Variants in PIK3C3 observed in about 807,000 individuals in gnomAD.
PIK3C3 encodes phosphatidylinositol 3-kinase catalytic subunit type 3.
A neutral mutation model predicts 126.1 loss-of-function variants in PIK3C3; 95 were observed. That is an observed-to-expected ratio of 0.75 (90% CI 0.64 to 0.89). The LOEUF (loss-of-function observed/expected upper bound fraction) is 0.89, where lower values mean the gene tolerates loss of function less well. Among genes scored for constraint, PIK3C3 ranks in the 40% least tolerant of loss-of-function variants. The pLI, the probability that PIK3C3 is intolerant of heterozygous loss-of-function variation, is 0.00. For synonymous variants in PIK3C3, 374 were observed against 360.0 expected (o/e 1.04, Z -0.44); for missense variants, 829 against 1,063.2 (o/e 0.78, Z 3.06).
rs1986383933 is a variant in PIK3C3, at chr18:42,085,689, G to A, written c.*4552G>A. On this transcript the variant is annotated 3_prime_UTR_variant, in exon 25 of 25. Coordinates refer to ENST00000262039, the MANE Select transcript of PIK3C3 (RefSeq NM_002647.4). ...GAAGTCTGATTTATCTAAAATAGAA[G>A]TTAACATAGCATCCCAGTATTGCCA... 6.6e-6 allele frequency: 1 copy of A among 152,186 alleles called. No homozygotes were observed. Among genetic ancestry groups the A allele is most frequent in the African/African-American group, 2.4e-5 (1 of 41,430 alleles). 9.4% of individuals were successfully genotyped at this position (152,186 alleles called of 1,614,324 possible).
intron 15 of PIK3C3, among the ~76,000 whole-genome samples, chr18:42,033,358 GT>G (rs1983912123): frequency 6.6e-6 from 1 of 152,196 alleles, no homozygotes; most frequent in Non-Finnish European, 1.5e-5. Context: ...TAGGGTTATA[GT>G]TTCTCCAAGT....
intron 3 of PIK3C3, among the ~76,000 whole-genome samples, chr18:41,969,370 C>T (rs1488638322): frequency 1.3e-5 from 2 of 152,060 alleles, no homozygotes; most frequent in Admixed American, 6.6e-5. Context: ...CATCTTTAAC[C>T]TCCCCATCAG....
chr18:42,049,310 T>G, intron 20 of PIK3C3: 1 of 385,320 alleles, frequency 2.6e-6, no homozygotes, highest in Non-Finnish European at 4.7e-6. Flanking sequence ...TGCAAGTGAC[T>G]TTTGTAATTT....
Position 42,057,868 on chromosome 18 carries a change from C to G in PIK3C3, c.2264-15C>G, listed in dbSNP as rs1884842811. ...GATAATTCTGGAAACAAATGAGTTTCTTGTCAACATCCAGGCAAACTCTTC... is the reference window on the plus strand; with the variant it reads ...GATAATTCTGGAAACAAATGAGTTTGTTGTCAACATCCAGGCAAACTCTTC... On this transcript the variant is annotated splice_polypyrimidine_tract_variant and intron_variant, in intron 21 of 24. Transcript: ENST00000262039. The G allele has an allele frequency of 2.5e-6, 4 of 1,612,494 alleles. No homozygotes were observed. Among genetic ancestry groups the G allele is most frequent in the Middle Eastern group, 1.7e-4 (1 of 6,052 alleles).
chr18:42,081,172 TA>T lies in PIK3C3; in HGVS notation c.*37del. ...TGACCCATCAAGATGCTTGGCTCAA[TA>T]AGAAAACCACGTTAGGAGCAACCTT... On this transcript the variant is annotated 3_prime_UTR_variant, in exon 25 of 25. Transcript: ENST00000262039. 1 of 1,530,496 alleles carries T rather than the reference TA, an allele frequency of 6.5e-7. No individual in the cohort carries two copies. The highest frequency in any genetic ancestry group is 9.0e-7 in the Non-Finnish European group (1 of 1,112,560). 94.8% of individuals were successfully genotyped at this position (1,530,496 alleles called of 1,614,324 possible). A position where few individuals can be genotyped will look rare whatever the true frequency, so the allele number is the denominator to read the frequency against.
rs745496951 is a variant in PIK3C3, at chr18:42,064,831, GTAATTTT to G, written c.2523+5_2523+11del. ...TGAACCAGATAAAACTGTGAAAAAG[GTAATTTT>G]TAAGTAACATAAATGAAGAGCTCTT... On this transcript the variant is annotated splice_donor_variant and splice_donor_5th_base_variant and intron_variant, in intron 23 of 24. Coordinates refer to ENST00000262039, the MANE Select transcript of PIK3C3 (RefSeq NM_002647.4). LOFTEE classifies it high-confidence loss of function. 3 of 1,520,072 alleles carry G rather than the reference GTAATTTT, an allele frequency of 2.0e-6. No homozygotes were observed. In the East Asian group the frequency reaches 6.8e-5, roughly 34 times the overall value. The allele number at this position is 1,520,072 out of a possible 1,614,324, so 94.2% of individuals were successfully genotyped here. A position where few individuals can be genotyped will look rare whatever the true frequency, so the allele number is the denominator to read the frequency against.
chr18:42,041,588 T>TAAA (rs57481011), intron 19 of PIK3C3, among the ~76,000 whole-genome samples: 1 of 133,594 alleles, frequency 7.5e-6, no homozygotes, highest in African/African-American at 2.7e-5. Flanking sequence ...CTTCCCTTTG[T>TAAA]AAAAAAAAAA....
In PIK3C3 at chr18:42,077,722, G is replaced by A. The variant is rs142046050; in HGVS notation, c.2650-3401G>A. Among the ~76,000 whole-genome samples the A allele has an allele frequency of 3.0e-3, 449 of 152,158 alleles. 2 individuals are homozygous for A. Among genetic ancestry groups the A allele is most frequent in the African/African-American group, 9.8e-3 (407 of 41,510 alleles). On this transcript the variant is annotated intron_variant, in intron 24 of 24. Coordinates refer to ENST00000262039, the MANE Select transcript of PIK3C3 (RefSeq NM_002647.4). ...ATGAAGAATGGAATCAACTTCTTCCGAACTCCTATTAATGTTGATATTTTC... is the reference window on the plus strand; with the variant it reads ...ATGAAGAATGGAATCAACTTCTTCCAAACTCCTATTAATGTTGATATTTTC...
chr18:42,017,679 TAATGC>T (rs1322990691), intron 12 of PIK3C3, among the ~76,000 whole-genome samples: 1 of 152,098 alleles, frequency 6.6e-6, no homozygotes, highest in Non-Finnish European at 1.5e-5. Context: ...TGATATCTAA[TAATGC>T]TTTTCATCTT....
intron 16 of PIK3C3, among the ~76,000 whole-genome samples, chr18:42,034,442 A>G (rs893460676): frequency 1.3e-5 from 2 of 152,208 alleles, no homozygotes; most frequent in African/African-American, 4.8e-5. Flanking sequence ...TTGCAAACGT[A>G]TCATGCATTC....
At chr18:42,076,026 T>A (rs1598960891) in intron 24 of PIK3C3, among the ~76,000 whole-genome samples, 1 of 146,728 alleles carries the variant, frequency 6.8e-6, no homozygotes, top group East Asian at 2.0e-4. Flanking sequence ...TCATCAGTGA[T>A]CTTAGCTAGA....
At chr18:42,016,046 A>G (rs1351692791) in intron 12 of PIK3C3, among the ~76,000 whole-genome samples, 2 of 152,210 alleles carry the variant, frequency 1.3e-5, no homozygotes, top group Non-Finnish European at 2.9e-5. Flanking sequence ...AGTGCATTGC[A>G]GAAGCTGATG....
intron 13 of PIK3C3, among the ~76,000 whole-genome samples, chr18:42,021,901 G>A (rs567876201): frequency 1.3e-5 from 2 of 152,256 alleles, no homozygotes; most frequent in South Asian, 4.1e-4. Flanking sequence ...AACATTTCTG[G>A]TTCTAAGCAT....
At chr18:42,076,208 G>T (rs1173541747) in intron 24 of PIK3C3, among the ~76,000 whole-genome samples, 1 of 120,734 alleles carries the variant, frequency 8.3e-6, no homozygotes, top group African/African-American at 3.5e-5. Context: ...ATATATATAT[G>T]CACATATATA....
At chr18:42,075,049 AT>A (rs1031076676) in intron 24 of PIK3C3, among the ~76,000 whole-genome samples, 3 of 152,092 alleles carry the variant, frequency 2.0e-5, no homozygotes, top group African/African-American at 7.2e-5. Context: ...AGTTCTTCTT[AT>A]TTTACCACTT....
In PIK3C3 at chr18:42,057,952, A is replaced by G; in HGVS notation, c.2333A>G (p.Lys778Arg). The change falls in exon 22 of 25, where the codon AAG becomes AGG. Residue 778 changes from lysine (K) to arginine (R), a missense_variant. By Grantham distance (26) the Lys-to-Arg change is conservative. Around this residue, in one of 4 missense-constraint regions of PIK3C3, gnomAD observed 196 missense variants for 312.8 expected, o/e 0.63. Coordinates refer to ENST00000262039, the MANE Select transcript of PIK3C3 (RefSeq NM_002647.4). ...CCAAAGCCTCTTCCTCCACCAATGA[A>G]GCTGAATAAAGAAATGGTAGAAGGA... ...RDPKPLPPPM[K>R]LNKEMVEGMG... The G allele has an allele frequency of 6.2e-7, 1 of 1,613,716 alleles. No individual in the cohort carries two copies. The highest frequency in any genetic ancestry group is 1.1e-5 in the South Asian group (1 of 91,012).
chr18:42,069,787 A>G (rs950307414), intron 24 of PIK3C3, among the ~76,000 whole-genome samples: 7 of 152,226 alleles, frequency 4.6e-5, no homozygotes, highest in African/African-American at 1.7e-4. Context: ...GGAGAATGAT[A>G]TAATGGAGCT....
At chr18:41,977,072 A>C (rs577145488) in intron 4 of PIK3C3, among the ~76,000 whole-genome samples, 3 of 152,334 alleles carry the variant, frequency 2.0e-5, no homozygotes, top group African/African-American at 7.2e-5. Flanking sequence ...TAGAATATGA[A>C]GCAGTGTCTA....
intron 20 of PIK3C3, among the ~76,000 whole-genome samples, chr18:42,048,037 T>G (rs960060660): frequency 1.1e-4 from 16 of 152,202 alleles, no homozygotes; most frequent in Non-Finnish European, 1.9e-4. Context: ...TTACAAAAAC[T>G]GAGGGGAACC....
Sources: gnomAD v4.1 joint callset for allele counts (sites outside exome capture counted in the v4.1 genomes callset) on GRCh38, gnomAD v4.1.1 for gene constraint, gnomAD v4.1.1 regional missense constraint, MANE v1.5 for transcripts, NCBI Gene and HGNC (gene_info 2026-07-23, HGNC 2026-07-21) for gene names.